TMEM18: variants seen among roughly 807,000 people sequenced by gnomAD.
TMEM18 encodes transmembrane protein 18.
In TMEM18, 14 loss-of-function variants were observed where a neutral mutation model predicts 17.4. That is an observed-to-expected ratio of 0.80 (90% confidence interval 0.53 to 1.25). TMEM18 has a LOEUF of 1.25. TMEM18 is among the 50% of genes most tolerant of loss of function. The pLI, the probability that TMEM18 is intolerant of heterozygous loss-of-function variation, is 0.00. For synonymous variants in TMEM18, 86 were observed against 66.1 expected, an observed-to-expected ratio of 1.30 and a Z score of -1.46; for missense variants, 187 against 172.1, an observed-to-expected ratio of 1.09 and a Z score of -0.48.
At position 665,161 on chromosome 2, in the gene TMEM18, C is replaced by A. The variant is rs1258615819; in HGVS notation, c.*4419G>T. 1.3e-5 allele frequency among the ~76,000 whole-genome samples: 2 copies of A among 152,146 alleles called. No homozygotes were observed. The highest frequency in any genetic ancestry group is 2.4e-5 in the African/African-American group (1 of 41,422). On this transcript the variant is annotated 3_prime_UTR_variant, in exon 5 of 5. Transcript: ENST00000281017. ...ATCCATAAACCCAGAGATGCAGACG[C>A]CCAGCTCAGATGGAGCATCACTCCC...
chr2:677,194 GC>G (rs1317756009), intron 1 of TMEM18, 94 bp downstream of exon 1: 2 of 1,473,240 alleles, frequency 1.4e-6, no homozygotes, highest in African/African-American at 2.8e-5. Flanking sequence ...CACGGCCGGG[GC>G]CTTCTTGGCC....
rs1406317894 is a variant in TMEM18 at position 664,976 on chromosome 2, G to A, written c.*4604C>T. Among the ~76,000 whole-genome samples, 2 of 152,178 alleles carry A rather than the reference G, an allele frequency of 1.3e-5. No individual in the cohort carries two copies. The highest frequency in any genetic ancestry group is 4.8e-5 in the African/African-American group (2 of 41,428). On this transcript the variant is annotated 3_prime_UTR_variant, in exon 5 of 5. Transcript: ENST00000281017. ...ATAATAGGGACTACATTACTTTATA[G>A]AAGATAGACTTACAGAAAAAAGGGG...
Position 677,257 on chromosome 2 carries a change from C to G in TMEM18, c.57+32G>C, listed in dbSNP as rs1434141672. 5 of 1,601,998 alleles carry G rather than the reference C, an allele frequency of 3.1e-6. No individual in the cohort carries two copies. In the South Asian group the frequency reaches 5.6e-5, roughly 18 times the overall value. On this transcript the variant is annotated intron_variant, in intron 1 of 4. Coordinates refer to ENST00000281017, the MANE Select transcript of TMEM18 (RefSeq NM_152834.4). ...CCCTACGCCTCTCCGCCGTCCTCCC[C>G]CGAACTGGTGGTTACGCGGGCCGCG... is the stretch of plus-strand genomic sequence containing the variant.
rs1678725331 is a variant in TMEM18 at position 667,497 on chromosome 2, A to G, written c.*2083T>C. On this transcript the variant is annotated 3_prime_UTR_variant, in exon 5 of 5. Transcript: ENST00000281017. ...AACAGATGAAGCTCTCCAGTGAGTCATCCACATTTATGGAGCCTGAAACCA... is the reference window on the plus strand; with the variant it reads ...AACAGATGAAGCTCTCCAGTGAGTCGTCCACATTTATGGAGCCTGAAACCA... 6.6e-6 allele frequency: 1 copy of G among 152,216 alleles called. No individual in the cohort carries two copies. The allele number at this position is 152,216 out of a possible 1,614,324, so 9.4% of individuals were successfully genotyped here. A position where few individuals can be genotyped will look rare whatever the true frequency, so the allele number is the denominator to read the frequency against.
chr2:676,457 G>GCCCTGCCCTCCAAGCT, intron 1 of TMEM18: 1 of 1,269,928 alleles, frequency 7.9e-7, no homozygotes, highest in Non-Finnish European at 1.1e-6. Flanking sequence ...GCTGCAGCCC[G>GCCCTGCCCTCCAAGCT]GCACAGCCCT....
intron 3 of TMEM18, among the ~76,000 whole-genome samples, chr2:672,070 C>A (rs1678863880): frequency 6.6e-6 from 1 of 152,174 alleles, no homozygotes; most frequent in African/African-American, 2.4e-5. Flanking sequence ...TGCTCAACAA[C>A]CCCTTTCGGT....
Position 675,574 on chromosome 2 carries a change from G to A in TMEM18, c.114C>T (p.Cys38=), listed in dbSNP as rs766764542. The part of the protein sequence containing the change: ...LMGLATFHAL[C]VLLTCLSSRS... ...GGGAGGACAAGCAGGTGAGGAGCACGCAGAGCGCGTGGAAGGTGGCCAGCC... is the reference window on the plus strand; with the variant it reads ...GGGAGGACAAGCAGGTGAGGAGCACACAGAGCGCGTGGAAGGTGGCCAGCC... The change falls in exon 2 of 5, where the codon TGC becomes TGT. Residue 38 remains cysteine (C), a synonymous_variant. Coordinates refer to ENST00000281017, the MANE Select transcript of TMEM18 (RefSeq NM_152834.4). 14 of 1,614,206 alleles carry A rather than the reference G, an allele frequency of 8.7e-6. No homozygotes were observed. The highest frequency in any genetic ancestry group is 1.0e-5 in the Non-Finnish European group (12 of 1,180,038).
At chr2:674,780 TGA>T (rs777728442) in intron 2 of TMEM18, among the ~76,000 whole-genome samples, 3 of 152,244 alleles carry the variant, frequency 2.0e-5, no homozygotes, top group Non-Finnish European at 4.4e-5. Context: ...TCCCCAATGT[TGA>T]GAGTCAAGAG....
Position 665,231 on chromosome 2 carries a change from T to C in TMEM18, c.*4349A>G, listed in dbSNP as rs1678648882. Among the ~76,000 whole-genome samples, 1 of 147,600 alleles carries C rather than the reference T, an allele frequency of 6.8e-6. No homozygotes were observed. Among genetic ancestry groups the C allele is most frequent in the African/African-American group, 2.5e-5 (1 of 39,968 alleles). On this transcript the variant is annotated 3_prime_UTR_variant, in exon 5 of 5. Transcript: ENST00000281017. ...GATGCAGATGCCCCACTCACTCCGA[T>C]AGAGAATCAACCCCATATACAACAG...
At position 665,074 on chromosome 2, in the gene TMEM18, G is replaced by C. The variant is rs967300513; in HGVS notation, c.*4506C>G. On this transcript the variant is annotated 3_prime_UTR_variant, in exon 5 of 5. Transcript: ENST00000281017. Reference sequence around the variant, plus strand: ...TGTTATATAAGAAATAACCAAACATGGGTAAGGCAGAGGAAAGACCAGCAC... The same window carrying C: ...TGTTATATAAGAAATAACCAAACATCGGTAAGGCAGAGGAAAGACCAGCAC... Among the ~76,000 whole-genome samples, 3 of 152,176 alleles carry C rather than the reference G, an allele frequency of 2.0e-5. No individual in the cohort carries two copies. The highest frequency in any genetic ancestry group is 6.5e-5 in the Admixed American group (1 of 15,274).
chr2:675,786 CAG>C, intron 1 of TMEM18, 156 bp from the exon 2 acceptor site: 1 of 1,532,912 alleles, frequency 6.5e-7, no homozygotes, highest in Non-Finnish European at 8.7e-7. Flanking sequence ...TGCCAGGCCT[CAG>C]AGAAACATGG....
chr2:676,191 C>T, intron 1 of TMEM18: 1 of 1,356,632 alleles, frequency 7.4e-7, no homozygotes, highest in Non-Finnish European at 9.8e-7. Flanking sequence ...ACTCTCCAGA[C>T]AGTGCCGCAC....
Position 669,769 on chromosome 2 carries a change from G to A in TMEM18, c.315C>T (p.Ala105=), listed in dbSNP as rs1678789757. 1 of 1,614,006 alleles carries A rather than the reference G, an allele frequency of 6.2e-7. No homozygotes were observed. Among genetic ancestry groups the A allele is most frequent in the Non-Finnish European group, 8.5e-7 (1 of 1,179,968 alleles). The change falls in exon 4 of 5, where the codon GCC becomes GCT. Residue 105 remains alanine (A), a synonymous_variant. Coordinates refer to ENST00000281017, the MANE Select transcript of TMEM18 (RefSeq NM_152834.4). ...IVFSAPLLVN[A]MIIVVMWVWK... ...GTCATCTACGTACCACAATGATCAT[G>A]GCATTCACCAGCAGTGGGGCTGAAA... is the stretch of plus-strand genomic sequence containing the variant.
At chr2:676,276 A>G in intron 1 of TMEM18, 1 of 1,462,988 alleles carries the variant, frequency 6.8e-7, no homozygotes, top group East Asian at 3.0e-5. Flanking sequence ...TGAAGTAGCC[A>G]GGCTCAGATC....
chr2:670,984 C>G (rs944325317), intron 3 of TMEM18: 3 of 152,330 alleles, frequency 2.0e-5, no homozygotes, highest in Admixed American at 1.3e-4. Context: ...ACACACTGGG[C>G]TCGTGGCTGA....
At chr2:672,935 A>C (rs1365898507) in intron 2 of TMEM18, 73 bp from the exon 3 acceptor site, 4 of 1,286,388 alleles carry the variant, frequency 3.1e-6, no homozygotes, top group Non-Finnish European at 4.2e-6. Flanking sequence ...TACATTCTTT[A>C]CAGCAGAATA....
rs1047111309 is a variant in TMEM18, at chr2:667,456, A to C, written c.*2124T>G. The C allele has an allele frequency of 1.3e-5, 2 of 152,186 alleles. No homozygotes were observed. The highest frequency in any genetic ancestry group is 4.8e-5 in the African/African-American group (2 of 41,424). The allele number at this position is 152,186 out of a possible 1,614,324, so 9.4% of individuals were successfully genotyped here. A position where few individuals can be genotyped will look rare whatever the true frequency, so the allele number is the denominator to read the frequency against. On this transcript the variant is annotated 3_prime_UTR_variant, in exon 5 of 5. Transcript: ENST00000281017. Reference sequence around the variant, plus strand: ...CCTGTACTTTATCAGTAGAGTAAAAACATTTGTTCTACTTAAACAGATGAA... The same window carrying C: ...CCTGTACTTTATCAGTAGAGTAAAACCATTTGTTCTACTTAAACAGATGAA...
At chr2:676,457 G>C (rs2293082) in intron 1 of TMEM18, 1,084,213 of 1,270,154 alleles carry the variant, frequency 0.85, 467,264 homozygotes, top group Non-Finnish European at 0.87. Context: ...GCTGCAGCCC[G>C]GCACAGCCCT....
In TMEM18 at chr2:672,553, C is replaced by CA. The variant is rs1678877322; in HGVS notation, c.233+254dup. Among the ~76,000 whole-genome samples, 4 of 152,404 alleles carry CA rather than the reference C, an allele frequency of 2.6e-5. No homozygotes were observed. The South Asian group carries it at 8.3e-4, about 32-fold the overall frequency. ...ATTCTGCAGCTCAAATTCCCATGGC[C>CA]ACTTCTCTGGCTCTGCCATCAGAGG... On this transcript the variant is annotated intron_variant, in intron 3 of 4. Transcript: ENST00000281017.
Sources: gnomAD v4.1 joint callset for allele counts (sites outside exome capture counted in the v4.1 genomes callset) on GRCh38, gnomAD v4.1.1 for gene constraint, MANE v1.5 for transcripts, NCBI Gene and HGNC (gene_info 2026-07-23, HGNC 2026-07-21) for gene names.